MACROD2: variants seen among roughly 807,000 people sequenced by gnomAD.
MACROD2 encodes the protein mono-ADP ribosylhydrolase 2.
Under a neutral mutation model 70.4 loss-of-function variants are expected in MACROD2, and 36 were observed. The observed-to-expected ratio is 0.51, with a 90% CI of 0.39 to 0.68. The LOEUF is 0.68. Ranked by LOEUF, MACROD2 falls within the 30% of genes least tolerant of loss-of-function variation. The pLI is 0.00. For synonymous variants in MACROD2, 172 were observed against 178.8 expected (o/e 0.96, Z 0.30); for missense variants, 496 against 538.4 (o/e 0.92, Z 0.78).
intron 3 of MACROD2, among the ~76,000 whole-genome samples, chr20:14,145,344 TGTTA>T (rs1411605742): frequency 6.6e-6 from 1 of 152,212 alleles, no homozygotes; most frequent in Non-Finnish European, 1.5e-5. Context: ...TATAAATAAA[TGTTA>T]GTTAACATCA....
chr20:14,259,561 G>C (rs1397386775), intron 3 of MACROD2, among the ~76,000 whole-genome samples: 1 of 152,124 alleles, frequency 6.6e-6, no homozygotes, highest in African/African-American at 2.4e-5. Context: ...ACAGAAAGAT[G>C]AGCTGTTTAT....
intron 8 of MACROD2, among the ~76,000 whole-genome samples, chr20:15,753,749 C>T (rs1041205734): frequency 1.3e-5 from 2 of 152,194 alleles, no homozygotes; most frequent in African/African-American, 4.8e-5. Flanking sequence ...TATAAACATC[C>T]CCTTTTCTCT....
chr20:14,798,273 G>A (rs995684601), intron 5 of MACROD2, among the ~76,000 whole-genome samples: 2 of 151,802 alleles, frequency 1.3e-5, no homozygotes, highest in African/African-American at 2.4e-5. Flanking sequence ...ATAGATTTGA[G>A]GTAAATTTAA....
At chr20:15,822,516 G>A (rs1319127416) in intron 8 of MACROD2, among the ~76,000 whole-genome samples, 1 of 152,114 alleles carries the variant, frequency 6.6e-6, no homozygotes, top group Admixed American at 6.6e-5. Context: ...GAAAGTTATT[G>A]TGCAATTTAC....
At chr20:14,890,660 G>A (rs1476014042) in intron 5 of MACROD2, among the ~76,000 whole-genome samples, 9 of 151,746 alleles carry the variant, frequency 5.9e-5, no homozygotes, top group Non-Finnish European at 1.2e-4. Flanking sequence ...TACTCAGGAG[G>A]CTGAGATAGG....
chr20:14,043,297 T>C (rs2053420489), intron 2 of MACROD2, among the ~76,000 whole-genome samples: 3 of 152,200 alleles, frequency 2.0e-5, no homozygotes. Context: ...TGGTTTCAGT[T>C]AAGCTGCTGA....
At chr20:15,667,471 GTATCTATGTATCTATGTATC>G (rs1321978920) in intron 8 of MACROD2, among the ~76,000 whole-genome samples, 3 of 146,804 alleles carry the variant, frequency 2.0e-5, no homozygotes, top group Non-Finnish European at 3.0e-5. Flanking sequence ...CACTATCTAT[GTATCTATGTATCTATGTATC>G]TATCTATGTA....
At chr20:14,087,379 G>A (rs887452967) in intron 3 of MACROD2, among the ~76,000 whole-genome samples, 1 of 150,562 alleles carries the variant, frequency 6.6e-6, no homozygotes, top group Admixed American at 6.6e-5. Context: ...CTGGGTGACA[G>A]AATTGAGACC....
chr20:15,312,289 A>G (rs1449135678), intron 6 of MACROD2, among the ~76,000 whole-genome samples: 9 of 152,218 alleles, frequency 5.9e-5, no homozygotes, highest in Admixed American at 4.6e-4. Context: ...ATTGGTGTTA[A>G]TTTGTTAAGA....
intron 6 of MACROD2, among the ~76,000 whole-genome samples, chr20:15,417,802 C>T (rs941428055): frequency 2.0e-5 from 3 of 151,816 alleles, no homozygotes; most frequent in Non-Finnish European, 2.9e-5. Context: ...AATACTATAA[C>T]GGAGGATATT....
chr20:14,373,479 A>G (rs1476818843), intron 3 of MACROD2, among the ~76,000 whole-genome samples: 1 of 152,062 alleles, frequency 6.6e-6, no homozygotes, highest in African/African-American at 2.4e-5. Context: ...GACTATTTGA[A>G]TGTGCTTTAC....
At chr20:16,010,738 G>T (rs910106127) in intron 15 of MACROD2, among the ~76,000 whole-genome samples, 14 of 152,106 alleles carry the variant, frequency 9.2e-5, no homozygotes, top group African/African-American at 3.4e-4. Flanking sequence ...CCCTTCTGGG[G>T]AAAGATTTAG....
chr20:15,251,388 G>A (rs889000483), intron 6 of MACROD2, among the ~76,000 whole-genome samples: 1 of 152,126 alleles, frequency 6.6e-6, no homozygotes, highest in African/African-American at 2.4e-5. Flanking sequence ...AACATGGAGT[G>A]TATTGTTTTA....
At chr20:14,992,380 T>C (rs1280240311) in intron 5 of MACROD2, among the ~76,000 whole-genome samples, 4 of 152,302 alleles carry the variant, frequency 2.6e-5, no homozygotes, top group Middle Eastern at 3.4e-3. Context: ...TTCTTATATT[T>C]CAATTAGAAG....
intron 5 of MACROD2, among the ~76,000 whole-genome samples, chr20:14,897,412 G>A (rs1210400712): frequency 6.6e-6 from 1 of 151,890 alleles, no homozygotes; most frequent in East Asian, 1.9e-4. Flanking sequence ...TGCAGAATTT[G>A]GTGAAATAAA....
chr20:15,453,719 GTCCT>G (rs2046675750), intron 7 of MACROD2, among the ~76,000 whole-genome samples: 2 of 152,150 alleles, frequency 1.3e-5, no homozygotes, highest in Admixed American at 6.5e-5. Flanking sequence ...TCTGAAAACA[GTCCT>G]TCTCTGGGAT....
intron 3 of MACROD2, among the ~76,000 whole-genome samples, chr20:14,270,218 T>C (rs1354512810): frequency 6.6e-6 from 1 of 152,158 alleles, no homozygotes; most frequent in African/African-American, 2.4e-5. Flanking sequence ...CAAACATATA[T>C]ACACACACAT....
intron 2 of MACROD2, among the ~76,000 whole-genome samples, chr20:14,035,171 A>AT (rs2053292675): frequency 6.6e-6 from 1 of 152,164 alleles, no homozygotes; most frequent in Non-Finnish European, 1.5e-5. Context: ...TTCTGCAAGT[A>AT]TTTTTATAGC....
chr20:14,919,158 C>A (rs6034063), intron 5 of MACROD2, among the ~76,000 whole-genome samples: 22,023 of 152,164 alleles, frequency 0.14, 1,898 homozygotes, highest in Non-Finnish European at 0.19. Flanking sequence ...CTTTTCAAGG[C>A]TTGTCCATCT....
Sources: allele counts gnomAD v4.1 joint callset (sites outside exome capture counted in the v4.1 genomes callset), GRCh38; gene constraint gnomAD v4.1.1; transcripts MANE v1.5; gene names NCBI Gene and HGNC (gene_info 2026-07-23, HGNC 2026-07-21).